The following ARHGAP15 variants were observed in gnomAD, a reference collection of about 807,000 sequenced individuals.
The protein encoded by ARHGAP15 is Rho GTPase activating protein 15, also known as rho GTPase-activating protein 15.
ARHGAP15 carries 51 observed loss-of-function variants against 63.7 expected under a neutral mutation model. That is an observed-to-expected ratio of 0.80 (90% CI 0.64 to 1.01). ARHGAP15 has a LOEUF of 1.01. Ranked by LOEUF, ARHGAP15 falls within the 50% of genes least tolerant of loss-of-function variation. The pLI, the probability that ARHGAP15 is intolerant of heterozygous loss-of-function variation, is 0.00. For synonymous variants in ARHGAP15, 191 were observed against 193.8 expected (o/e 0.99, Z 0.12); for missense variants, 560 against 564.6 (o/e 0.99, Z 0.08).
intron 12 of ARHGAP15, among the ~76,000 whole-genome samples, chr2:143,643,212 G>A (rs192764854): frequency 5.1e-4 from 77 of 152,056 alleles, no homozygotes; most frequent in African/African-American, 1.8e-3. Context: ...AGAGGGGAAG[G>A]GAAGCAGGAA....
chr2:143,393,315 C>T (rs907446457), intron 6 of ARHGAP15, among the ~76,000 whole-genome samples: 2 of 151,972 alleles, frequency 1.3e-5, no homozygotes, highest in African/African-American at 4.8e-5. Context: ...AATAATTTGT[C>T]CACTAGATAG....
At chr2:143,313,951 G>C (rs1174400915) in intron 6 of ARHGAP15, among the ~76,000 whole-genome samples, 1 of 105,514 alleles carries the variant, frequency 9.5e-6, no homozygotes, top group Non-Finnish European at 1.8e-5. Context: ...TGGATGAGGA[G>C]AGGGCTTTTT....
chr2:143,406,199 G>A (rs934449140), intron 6 of ARHGAP15, among the ~76,000 whole-genome samples: 4 of 151,736 alleles, frequency 2.6e-5, no homozygotes, highest in South Asian at 2.1e-4. Context: ...TATTTTGATC[G>A]TAGAATTTTC....
At chr2:143,626,753 G>T (rs541349232) in intron 12 of ARHGAP15, among the ~76,000 whole-genome samples, 1 of 152,090 alleles carries the variant, frequency 6.6e-6, no homozygotes, top group Non-Finnish European at 1.5e-5. Flanking sequence ...GCTACAGAGC[G>T]CTGATTGGTG....
chr2:143,423,197 G>C (rs1203155950), intron 6 of ARHGAP15, among the ~76,000 whole-genome samples: 1 of 152,116 alleles, frequency 6.6e-6, no homozygotes, highest in Non-Finnish European at 1.5e-5. Context: ...GAAGGCAGTG[G>C]TATGTTGACA....
chr2:143,386,285 A>G (rs917921512), intron 6 of ARHGAP15, among the ~76,000 whole-genome samples: 3 of 152,190 alleles, frequency 2.0e-5, no homozygotes, highest in Admixed American at 6.5e-5. Flanking sequence ...AAATCTAAAT[A>G]GATATGGCCA....
chr2:143,359,971 T>C (rs1370942527), intron 6 of ARHGAP15, among the ~76,000 whole-genome samples: 2 of 152,094 alleles, frequency 1.3e-5, no homozygotes, highest in South Asian at 2.1e-4. Flanking sequence ...GCTAATTACA[T>C]AGAGTTTCAA....
intron 13 of ARHGAP15, among the ~76,000 whole-genome samples, chr2:143,724,053 G>A (rs1277580528): frequency 6.8e-6 from 1 of 146,564 alleles, no homozygotes; most frequent in African/African-American, 2.6e-5. Flanking sequence ...CCACCTTCAT[G>A]TGTGTGTGTG....
intron 6 of ARHGAP15, among the ~76,000 whole-genome samples, chr2:143,392,262 G>C (rs1212669281): frequency 1.3e-5 from 2 of 152,054 alleles, no homozygotes; most frequent in Non-Finnish European, 2.9e-5. Context: ...AATAATTTTA[G>C]AGAAATGTTA....
intron 6 of ARHGAP15, among the ~76,000 whole-genome samples, chr2:143,365,169 C>A (rs1686242861): frequency 6.6e-6 from 1 of 152,192 alleles, no homozygotes; most frequent in Non-Finnish European, 1.5e-5. Flanking sequence ...AAACAACTGA[C>A]CACCCAATTT....
At chr2:143,695,160 G>T (rs1306156165) in intron 12 of ARHGAP15, among the ~76,000 whole-genome samples, 1 of 151,984 alleles carries the variant, frequency 6.6e-6, no homozygotes, top group Non-Finnish European at 1.5e-5. Flanking sequence ...TAAAAAAAAG[G>T]TTGTAAAACC....
intron 6 of ARHGAP15, among the ~76,000 whole-genome samples, chr2:143,305,711 A>G (rs963747355): frequency 7.2e-5 from 11 of 152,118 alleles, no homozygotes; most frequent in African/African-American, 1.7e-4. Context: ...GATACAATCA[A>G]TCTTCTTATT....
intron 13 of ARHGAP15, among the ~76,000 whole-genome samples, chr2:143,740,122 G>GA (rs528986040): frequency 1.0e-3 from 154 of 147,384 alleles, no homozygotes; most frequent in African/African-American, 3.4e-3. Context: ...AAGCAAAACA[G>GA]AAAAAAAAAA....
chr2:143,206,216 C>G (rs913663564), intron 3 of ARHGAP15, among the ~76,000 whole-genome samples: 24 of 152,026 alleles, frequency 1.6e-4, no homozygotes, highest in African/African-American at 5.8e-4. Flanking sequence ...TGTTCCATGG[C>G]TGGATTGTAA....
chr2:143,685,995 A>C (rs1683321162), intron 12 of ARHGAP15, among the ~76,000 whole-genome samples: 1 of 152,180 alleles, frequency 6.6e-6, no homozygotes, highest in Non-Finnish European at 1.5e-5. Flanking sequence ...TGTGTCCAGT[A>C]TTATTATTTT....
chr2:143,629,198 AAC>A (rs925821027), intron 12 of ARHGAP15, among the ~76,000 whole-genome samples: 2 of 151,956 alleles, frequency 1.3e-5, no homozygotes, highest in African/African-American at 2.4e-5. Context: ...AAAAAAAAAA[AAC>A]CCCATTAATA....
intron 6 of ARHGAP15, among the ~76,000 whole-genome samples, chr2:143,430,213 T>G (rs1689326063): frequency 1.3e-5 from 2 of 151,660 alleles, no homozygotes; most frequent in Admixed American, 1.3e-4. Context: ...ATATATTTAC[T>G]TAACATCTAG....
intron 10 of ARHGAP15, among the ~76,000 whole-genome samples, chr2:143,531,360 T>C (rs1473346773): frequency 3.9e-5 from 6 of 152,228 alleles, no homozygotes; most frequent in African/African-American, 1.2e-4. Flanking sequence ...TCTGGATATA[T>C]ACAGACATTC....
intron 10 of ARHGAP15, among the ~76,000 whole-genome samples, chr2:143,520,468 T>A (rs1559024995): frequency 6.6e-6 from 1 of 151,886 alleles, no homozygotes; most frequent in Non-Finnish European, 1.5e-5. Flanking sequence ...GGAATGTGGA[T>A]AAAGAGAATG....
Sources: allele counts gnomAD v4.1 joint callset (sites outside exome capture counted in the v4.1 genomes callset), GRCh38; gene constraint gnomAD v4.1.1; transcripts MANE v1.5; gene names NCBI Gene and HGNC (gene_info 2026-07-23, HGNC 2026-07-21).